Variants in CSNK2A2 observed in about 807,000 individuals in gnomAD.
The protein encoded by CSNK2A2 is casein kinase 2 alpha 2, also known as casein kinase II subunit alpha'.
In CSNK2A2, 8 loss-of-function variants were observed where a neutral mutation model predicts 54.0. The observed-to-expected ratio is 0.15, with a 90% CI of 0.09 to 0.27. The LOEUF is 0.27. CSNK2A2 is among the 10% of genes least tolerant of loss of function. The pLI is 1.00. For missense variants in CSNK2A2, 242 were observed against 439.4 expected (o/e 0.55, Z 4.02); for synonymous variants, 141 against 153.9 (o/e 0.92, Z 0.62).
intron 3 of CSNK2A2, among the ~76,000 whole-genome samples, chr16:58,185,758 A>G (rs1021557626): frequency 3.9e-5 from 6 of 152,140 alleles, no homozygotes; most frequent in Non-Finnish European, 8.8e-5. Flanking sequence ...AGAAGGAAAA[A>G]CTTTCCTTAT....
At position 58,186,874 on chromosome 16, in the gene CSNK2A2, A is replaced by G. The variant is rs1234644950; in HGVS notation, c.217-18T>C. The G allele has an allele frequency of 3.2e-6, 5 of 1,580,882 alleles. No homozygotes were observed. Among genetic ancestry groups the G allele is most frequent in the Non-Finnish European group, 4.3e-6 (5 of 1,151,352 alleles). On this transcript the variant is annotated intron_variant, in intron 2 of 11. Transcript: ENST00000262506. ...TTCACTGGCTTAAATACACAAGAGT[A>G]ATCAGAAGTGAGACTCCTTTTGAAG... is the stretch of plus-strand genomic sequence containing the variant.
chr16:58,181,158 G>A (rs1424787886), intron 4 of CSNK2A2, among the ~76,000 whole-genome samples: 1 of 152,194 alleles, frequency 6.6e-6, no homozygotes, highest in South Asian at 2.1e-4. Flanking sequence ...AAGGAGCAGG[G>A]AGATTAAATC....
intron 4 of CSNK2A2, among the ~76,000 whole-genome samples, chr16:58,176,169 G>A (rs1360559371): frequency 2.0e-5 from 3 of 152,106 alleles, no homozygotes; most frequent in Non-Finnish European, 2.9e-5. Context: ...CAATAAATAC[G>A]CTATGAAAGA....
intron 7 of CSNK2A2, 46 bp from the exon 8 acceptor site, chr16:58,167,354 AT>A: frequency 7.0e-7 from 1 of 1,425,966 alleles, no homozygotes; most frequent in Non-Finnish European, 9.7e-7. Context: ...TTAGAAATCC[AT>A]TTTTCTGATA....
intron 2 of CSNK2A2, among the ~76,000 whole-genome samples, chr16:58,190,563 T>C (rs1262445403): frequency 6.6e-6 from 1 of 152,178 alleles, no homozygotes; most frequent in African/African-American, 2.4e-5. Context: ...CACAGAAAAC[T>C]TTTCCTCTAA....
intron 5 of CSNK2A2, 147 bp downstream of exon 5, chr16:58,174,304 G>T: frequency 1.8e-6 from 1 of 560,158 alleles, no homozygotes; most frequent in Non-Finnish European, 3.1e-6. Flanking sequence ...AAGATTCCTC[G>T]ATGGAGGCCT....
At chr16:58,169,350 G>C (rs1470881123) in intron 5 of CSNK2A2, among the ~76,000 whole-genome samples, 1 of 152,054 alleles carries the variant, frequency 6.6e-6, no homozygotes, top group Non-Finnish European at 1.5e-5. Flanking sequence ...GACTAGCCTG[G>C]GCAACACGGC....
chr16:58,174,318 T>C, intron 5 of CSNK2A2, 133 bp downstream of exon 5: 2 of 632,540 alleles, frequency 3.2e-6, no homozygotes, highest in Non-Finnish European at 5.3e-6. Flanking sequence ...GAGGCCTCAA[T>C]ATAAGTTTAA....
At chr16:58,166,797 G>A (rs1198435808) in intron 8 of CSNK2A2, 113 bp from the exon 9 acceptor site, 15 of 740,364 alleles carry the variant, frequency 2.0e-5, no homozygotes, top group Non-Finnish European at 3.2e-5. Context: ...CTCTAGGAAC[G>A]AGATACAAAC....
Position 58,168,700 on chromosome 16 carries a change from G to C in CSNK2A2, c.430-7C>G, listed in dbSNP as rs769939605. 5.6e-6 allele frequency: 9 copies of C among 1,610,930 alleles called. No individual in the cohort carries two copies. Among genetic ancestry groups the C allele is most frequent in the Non-Finnish European group, 7.6e-6 (9 of 1,177,294 alleles). ...TGTGGCAGTAATCCAGAGCCTATTA[G>C]GTAAGAAAGCACAGATAATAGTAAG... On this transcript the variant is annotated splice_region_variant and splice_polypyrimidine_tract_variant and intron_variant, in intron 5 of 11. Transcript: ENST00000262506.
rs1962475872 is a variant in CSNK2A2, at chr16:58,197,101, C to A, written c.105-257G>T. The A allele has an allele frequency of 4.4e-6, 2 of 450,072 alleles. No individual in the cohort carries two copies. The highest frequency in any genetic ancestry group is 6.7e-5 in the Admixed American group (2 of 29,732). The allele number at this position is 450,072 out of a possible 1,614,324, so 27.9% of individuals were successfully genotyped here. A position where few individuals can be genotyped will look rare whatever the true frequency, so the allele number is the denominator to read the frequency against. On this transcript the variant is annotated intron_variant, in intron 1 of 11. Coordinates refer to ENST00000262506, the MANE Select transcript of CSNK2A2 (RefSeq NM_001896.4). The surrounding 1 kb of genome is among the most constrained non-coding windows in gnomAD (Gnocchi z 4.0). ...AACGCTCTGAGCCAATCCAGAGGGG[C>A]GAGCAAAGCACCCGTCCTGAAGGCC...
At chr16:58,192,538 A>G (rs970660367) in intron 2 of CSNK2A2, 7 of 152,088 alleles carry the variant, frequency 4.6e-5, no homozygotes, top group African/African-American at 1.7e-4. Context: ...GCTGCTGTGG[A>G]TACTAATCAT....
intron 3 of CSNK2A2, 88 bp from the exon 4 acceptor site, chr16:58,184,398 T>A (rs1276192451): frequency 2.6e-5 from 23 of 885,332 alleles, no homozygotes; most frequent in Non-Finnish European, 4.1e-5. Flanking sequence ...CCCCAAATCC[T>A]ACTTAGGTAA....
intron 10 of CSNK2A2, 48 bp downstream of exon 10, chr16:58,165,512 T>C (rs894396198): frequency 8.5e-6 from 13 of 1,524,716 alleles, no homozygotes; most frequent in African/African-American, 1.4e-5. Flanking sequence ...GTGGAAGATT[T>C]GTTCTCTTGA....
rs1194709810 is a variant in CSNK2A2, at chr16:58,167,077, A to C, written c.726+130T>G. Reference sequence around the variant, plus strand: ...AAACACAAAATTCTGTGCGATCTTTATCTTGAAGAAAAGCTCATATGCAGA... The same window carrying C: ...AAACACAAAATTCTGTGCGATCTTTCTCTTGAAGAAAAGCTCATATGCAGA... On this transcript the variant is annotated intron_variant, in intron 8 of 11. Coordinates refer to ENST00000262506, the MANE Select transcript of CSNK2A2 (RefSeq NM_001896.4). 4 of 576,178 alleles carry C rather than the reference A, an allele frequency of 6.9e-6. No homozygotes were observed. In the African/African-American group the frequency reaches 7.6e-5, roughly 11 times the overall value. The allele number at this position is 576,178 out of a possible 1,614,324, so 35.7% of individuals were successfully genotyped here. A position where few individuals can be genotyped will look rare whatever the true frequency, so the allele number is the denominator to read the frequency against.
intron 5 of CSNK2A2, among the ~76,000 whole-genome samples, chr16:58,169,689 G>C (rs1961683105): frequency 6.6e-6 from 1 of 152,104 alleles, no homozygotes; most frequent in Non-Finnish European, 1.5e-5. Flanking sequence ...GGTCCCACGT[G>C]GGTTTTCTAG....
At chr16:58,187,110 T>TA (rs1456078559) in intron 2 of CSNK2A2, among the ~76,000 whole-genome samples, 2 of 151,652 alleles carry the variant, frequency 1.3e-5, no homozygotes, top group East Asian at 3.9e-4. Context: ...TGAGGGCACT[T>TA]AAAAATTTTG....
chr16:58,166,206 G>T (rs192804132), intron 9 of CSNK2A2, among the ~76,000 whole-genome samples: 6 of 152,258 alleles, frequency 3.9e-5, no homozygotes, highest in East Asian at 3.9e-4. Context: ...AGAAGAAATT[G>T]TAAGTCCACC....
chr16:58,161,811 G>A (rs762341756), intron 11 of CSNK2A2: 1 of 152,254 alleles, frequency 6.6e-6, no homozygotes. Flanking sequence ...GGCATGAAGA[G>A]AGGTAAAAGT....
Sources: allele counts gnomAD v4.1 joint callset (sites outside exome capture counted in the v4.1 genomes callset), GRCh38; gene constraint gnomAD v4.1.1; non-coding constraint Gnocchi (gnomAD v3.1); transcripts MANE v1.5; gene names NCBI Gene and HGNC (gene_info 2026-07-23, HGNC 2026-07-21).